Variants in CXADR observed in about 807,000 individuals in gnomAD.
CXADR encodes coxsackievirus and adenovirus receptor.
In CXADR, 20 loss-of-function variants were observed where a neutral mutation model predicts 40.3. The ratio of observed to expected loss-of-function variants is 0.50; its 90% CI spans 0.35 to 0.72. The LOEUF (loss-of-function observed/expected upper bound fraction) is 0.72. Ranked by LOEUF, CXADR falls within the 30% of genes least tolerant of loss-of-function variation. CXADR has a pLI of 0.01. For missense variants in CXADR, 332 were observed against 449.1 expected (o/e 0.74, Z 2.36); for synonymous variants, 150 against 161.3 (o/e 0.93, Z 0.53).
chr21:17,525,965 CAA>C (rs1745474939), intron 1 of CXADR, among the ~76,000 whole-genome samples: 1 of 152,140 alleles, frequency 6.6e-6, no homozygotes, highest in Non-Finnish European at 1.5e-5. Flanking sequence ...TGAAATGAAA[CAA>C]TATATTTTGT....
rs1337367682 is a variant in CXADR at position 17,569,423 on chromosome 21, G to T, written c.*3731G>T. 3 of 984,782 alleles carry T rather than the reference G, an allele frequency of 3.0e-6. No homozygotes were observed. In the African/African-American group the frequency reaches 5.3e-5, roughly 17 times the overall value. 61.0% of individuals were successfully genotyped at this position (984,782 alleles called of 1,614,324 possible). A position where few individuals can be genotyped will look rare whatever the true frequency, so the allele number is the denominator to read the frequency against. On this transcript the variant is annotated 3_prime_UTR_variant, in exon 7 of 7. Transcript: ENST00000284878. ...CATTCCTGTGTTTAGTAGTGTAAAT[G>T]TTCTGGGCAAGTTTTAATATTTTGA... is the stretch of plus-strand genomic sequence containing the variant.
At chr21:17,595,357 A>G (rs1021461836), downstream of CXADR, among the ~76,000 whole-genome samples, 34 of 152,056 alleles carry the variant, frequency 2.2e-4, no homozygotes, top group East Asian at 3.9e-3. Context: ...GAAAATTCAA[A>G]AAGTACAAAA....
downstream of CXADR, among the ~76,000 whole-genome samples, chr21:17,572,369 C>T (rs1013355210): frequency 5.4e-5 from 8 of 149,022 alleles, no homozygotes; most frequent in African/African-American, 1.7e-4. Context: ...GAGACTCCGT[C>T]TCAAAAAAAA....
chr21:17,570,103 T>C (rs2061264986), downstream of CXADR: 2 of 985,350 alleles, frequency 2.0e-6, no homozygotes, highest in African/African-American at 3.5e-5. Context: ...AAAGCAGTTC[T>C]CTGCCTCATG....
intron 7 of CXADR, chr21:17,593,004 TG>T: frequency 1.7e-6 from 1 of 589,714 alleles, no homozygotes; most frequent in Non-Finnish European, 2.5e-6. Flanking sequence ...TAGCAAGTTG[TG>T]ATTTTTCTGG....
intron 6 of CXADR, 77 bp downstream of exon 6, chr21:17,561,553 A>T (rs2061121971): frequency 1.6e-6 from 2 of 1,281,602 alleles, no homozygotes; most frequent in Admixed American, 2.4e-5. Flanking sequence ...TCTCTTATTA[A>T]CCACCCAAAG....
chr21:17,598,950 G>C, the CXADR span: 1 of 721,904 alleles, frequency 1.4e-6, no homozygotes, highest in Non-Finnish European at 2.2e-6. Context: ...CACAGAACTT[G>C]ACCCTACACA....
At chr21:17,604,892 A>G in the CXADR span, 4 of 1,614,192 alleles carry the variant, frequency 2.5e-6, no homozygotes, top group Non-Finnish European at 3.4e-6. Context: ...CCACCCAGAG[A>G]GTGAGCTCCT....
At chr21:17,618,533 T>C in the CXADR span, among the ~76,000 whole-genome samples, 2 of 152,164 alleles carry the variant, frequency 1.3e-5, no homozygotes, top group South Asian at 2.1e-4. Flanking sequence ...TATTTCTTTT[T>C]CTTTTCTTTT....
the CXADR span, chr21:17,605,112 G>GT: frequency 8.5e-7 from 1 of 1,179,508 alleles, no homozygotes; most frequent in Non-Finnish European, 1.2e-6. Context: ...AAATACCCTG[G>GT]TAGAGAACCT....
intron 3 of CXADR, among the ~76,000 whole-genome samples, chr21:17,552,724 T>C (rs1394028606): frequency 2.0e-5 from 3 of 152,164 alleles, no homozygotes; most frequent in Non-Finnish European, 4.4e-5. Flanking sequence ...TAAATTCCCC[T>C]GTCCTCATGT....
the CXADR span, chr21:17,613,961 A>G: frequency 1.3e-5 from 2 of 152,184 alleles, no homozygotes; most frequent in Non-Finnish European, 2.9e-5. Flanking sequence ...TAGGCTTGGG[A>G]GCATGTTTTC....
At chr21:17,608,812 T>C in the CXADR span, 1 of 668,434 alleles carries the variant, frequency 1.5e-6, no homozygotes, top group Non-Finnish European at 2.3e-6. Context: ...AACAAATACT[T>C]GTTTTAAAAT....
At chr21:17,628,320 G>A in the CXADR span, among the ~76,000 whole-genome samples, 1 of 152,222 alleles carries the variant, frequency 6.6e-6, no homozygotes, top group Non-Finnish European at 1.5e-5. Context: ...CCCAAGATCT[G>A]TAAGATAAGT....
At chr21:17,600,892 G>A in the CXADR span, among the ~76,000 whole-genome samples, 16 of 152,010 alleles carry the variant, frequency 1.1e-4, no homozygotes, top group African/African-American at 3.1e-4. Context: ...GGCTGGGCGC[G>A]GTGGCTCATG....
At chr21:17,528,068 C>CTTTTTTTTT (rs35477813) in intron 1 of CXADR, among the ~76,000 whole-genome samples, 13 of 78,352 alleles carry the variant, frequency 1.7e-4, no homozygotes, top group Non-Finnish European at 2.3e-4. Flanking sequence ...TTAGTTCTTT[C>CTTTTTTTTT]TTTTTTTTTT....
At chr21:17,609,049 C>G in the CXADR span, 1,653 of 1,613,938 alleles carry the variant, frequency 1.0e-3, 2 homozygotes, top group Non-Finnish European at 1.3e-3. Context: ...GGGTCAATTT[C>G]TCAGCAAACC....
chr21:17,535,876 C>T (rs1010431769), intron 1 of CXADR, among the ~76,000 whole-genome samples: 2 of 151,920 alleles, frequency 1.3e-5, no homozygotes, highest in African/African-American at 4.8e-5. Context: ...GGCATGGTGG[C>T]GTGCACCTGT....
intron 1 of CXADR, among the ~76,000 whole-genome samples, chr21:17,520,128 C>T (rs2060512040): frequency 6.6e-6 from 1 of 152,158 alleles, no homozygotes; most frequent in Admixed American, 6.5e-5. Flanking sequence ...ACACTCTTCA[C>T]TCTCCAAGTA....
Sources: gnomAD v4.1 joint callset for allele counts (sites outside exome capture counted in the v4.1 genomes callset) on GRCh38, gnomAD v4.1.1 for gene constraint, MANE v1.5 for transcripts, NCBI Gene and HGNC (gene_info 2026-07-23, HGNC 2026-07-21) for gene names.